TAP1: variants seen among roughly 807,000 people sequenced by gnomAD.
TAP1 encodes the protein transporter 1, ATP binding cassette subfamily B member, also known as antigen peptide transporter 1.
In TAP1, 56 loss-of-function variants were observed where a neutral mutation model predicts 79.3. The ratio of observed to expected loss-of-function variants is 0.71; its 90% CI spans 0.57 to 0.88. TAP1 has a LOEUF of 0.88. TAP1 is among the 40% of genes least tolerant of loss of function. The pLI, the probability that TAP1 is intolerant of heterozygous loss-of-function variation, is 0.00. For synonymous variants in TAP1, 355 were observed against 401.4 expected, an observed-to-expected ratio of 0.88 and a Z score of 1.38; for missense variants, 737 against 936.3, an observed-to-expected ratio of 0.79 and a Z score of 2.78.
At position 32,845,452 on chromosome 6, in the gene TAP1, G is replaced by C. The variant is rs1770300317; in HGVS notation, c.*127C>G. The C allele has an allele frequency of 1.1e-6, 1 of 900,828 alleles. No individual in the cohort carries two copies. The highest frequency in any genetic ancestry group is 2.0e-5 in the Admixed American group (1 of 50,318). The allele number at this position is 900,828 out of a possible 1,614,324, so 55.8% of individuals were successfully genotyped here. ...ATTATCACGAGGAGCTTGGAAAGGA[G>C]GTAACACACTCAAGGCAAATTTCAA... On this transcript the variant is annotated 3_prime_UTR_variant, in exon 11 of 11. Coordinates refer to ENST00000354258, the MANE Select transcript of TAP1 (RefSeq NM_000593.6). The surrounding 1 kb of genome is among the most constrained non-coding windows in gnomAD (Gnocchi z 4.5).
In TAP1 at chr6:32,852,605, G is replaced by A; in HGVS notation, c.599-103C>T. On this transcript the variant is annotated intron_variant, in intron 1 of 10. Transcript: ENST00000354258. This position sits in a 1 kb window ranked among gnomAD's most constrained non-coding sequence, Gnocchi z 4.8. ...CCTCCTCCCCCTCACCATTATCCTG[G>A]AGGGCATCAGCAGAAAGGAAACACT... 6.4e-7 allele frequency: 1 copy of A among 1,560,996 alleles called. No homozygotes were observed. The highest frequency in any genetic ancestry group is 8.7e-7 in the Non-Finnish European group (1 of 1,153,858).
At position 32,852,075 on chromosome 6, in the gene TAP1, A is replaced by T. The variant is rs1187991846; in HGVS notation, c.844+34T>A. On this transcript the variant is annotated intron_variant, in intron 3 of 10. Coordinates refer to ENST00000354258, the MANE Select transcript of TAP1 (RefSeq NM_000593.6). The surrounding 1 kb of genome is among the most constrained non-coding windows in gnomAD (Gnocchi z 4.8). Reference sequence around the variant, plus strand: ...GCAGATGTATGAGGATATGAACAGTACATGGCGTATAATGAAAGAGTTTCA... The same window carrying T: ...GCAGATGTATGAGGATATGAACAGTTCATGGCGTATAATGAAAGAGTTTCA... 8.1e-6 allele frequency: 13 copies of T among 1,612,828 alleles called. No individual in the cohort carries two copies. The highest frequency in any genetic ancestry group is 1.1e-5 in the Non-Finnish European group (13 of 1,179,966).
At position 32,848,713 on chromosome 6, in the gene TAP1, A is replaced by T; in HGVS notation, c.1505T>A (p.Leu502His). The stretch of plus-strand genomic sequence containing the variant: ...AAAGGAGACATCTTGGAACTGGACA[A>T]GGCCCTCCAAGTGTAAGGGAGTCAA... ...GLLTPLHLEG[L>H]VQFQDVSFAY... is the part of the protein sequence containing the mutation. The change falls in exon 7 of 11, where the codon CTT becomes CAT. Residue 502 changes from leucine (L) to histidine (H), a missense_variant. Transcript: ENST00000354258. 1 of 1,614,140 alleles carries T rather than the reference A, an allele frequency of 6.2e-7. No homozygotes were observed. The highest frequency in any genetic ancestry group is 8.5e-7 in the Non-Finnish European group (1 of 1,180,022).
chr6:32,846,229 G>A, intron 10 of TAP1: 1 of 216,806 alleles, frequency 4.6e-6, no homozygotes, highest in Admixed American at 5.2e-5. Context: ...CCTCCATTTT[G>A]TCATCTGTAG....
Position 32,851,210 on chromosome 6 carries a change from C to T in TAP1, c.845-61G>A. 1.3e-6 allele frequency: 2 copies of T among 1,542,454 alleles called. No individual in the cohort carries two copies. The highest frequency in any genetic ancestry group is 2.7e-5 in the African/African-American group (2 of 73,214). Reference sequence around the variant, plus strand: ...GACAGGTTCCAAGTGATGAGACGAACTAACAATGAGCCAGGATGCCAGGGT... The same window carrying T: ...GACAGGTTCCAAGTGATGAGACGAATTAACAATGAGCCAGGATGCCAGGGT... On this transcript the variant is annotated intron_variant, in intron 3 of 10. Transcript: ENST00000354258. This position sits in a 1 kb window ranked among gnomAD's most constrained non-coding sequence, Gnocchi z 4.8.
At chr6:32,846,957 A>T in intron 10 of TAP1, 111 bp downstream of exon 10, 1 of 1,542,468 alleles carries the variant, frequency 6.5e-7, no homozygotes, top group Non-Finnish European at 8.8e-7. Context: ...TTGGGAACTG[A>T]GAACTGCAAG....
rs191022549 is a variant in TAP1 at position 32,852,792 on chromosome 6, G to T, written c.598+247C>A. On this transcript the variant is annotated intron_variant, in intron 1 of 10. Transcript: ENST00000354258. This position sits in a 1 kb window ranked among gnomAD's most constrained non-coding sequence, Gnocchi z 4.8. ...CCCGCCCTTCGGCCCCAGAGCAAAG[G>T]ATTTCCCCGCTTCCGGCGTGGCCCA... 2.8e-6 allele frequency: 4 copies of T among 1,440,406 alleles called. No homozygotes were observed. The East Asian group carries it at 9.9e-5, about 36-fold the overall frequency. The allele number at this position is 1,440,406 out of a possible 1,614,324, so 89.2% of individuals were successfully genotyped here.
chr6:32,847,744 A>C lies in TAP1; in HGVS notation c.1741-69T>G. The stretch of plus-strand genomic sequence containing the variant: ...GAGTATGGTTATCTAGAGATCGAAG[A>C]CTCAAAATCTTTATTGAGAACATGT... On this transcript the variant is annotated intron_variant, in intron 8 of 10. Transcript: ENST00000354258. The surrounding 1 kb of genome is among the most constrained non-coding windows in gnomAD (Gnocchi z 4.7). 6.3e-7 allele frequency: 1 copy of C among 1,591,888 alleles called. No individual in the cohort carries two copies. Among genetic ancestry groups the C allele is most frequent in the Non-Finnish European group, 8.6e-7 (1 of 1,161,662 alleles).
At chr6:32,849,886 G>A (rs1267364738) in intron 5 of TAP1, 2 of 218,384 alleles carry the variant, frequency 9.2e-6, no homozygotes, top group Non-Finnish European at 1.9e-5. Context: ...CAGGATCTTC[G>A]GATCACTGGC....
In TAP1 at chr6:32,850,620, G is replaced by A. The variant is rs1770723146; in HGVS notation, c.1051-103C>T. Reference sequence around the variant, plus strand: ...AAATTAAAGGTGAGAAGAGACAGAGGAAAAGGAGAAAAGAGAAAGAGACAC... The same window carrying A: ...AAATTAAAGGTGAGAAGAGACAGAGAAAAAGGAGAAAAGAGAAAGAGACAC... On this transcript the variant is annotated intron_variant, in intron 4 of 10. Transcript: ENST00000354258. The surrounding 1 kb of genome is among the most constrained non-coding windows in gnomAD (Gnocchi z 5.5). 3 of 1,025,120 alleles carry A rather than the reference G, an allele frequency of 2.9e-6. No homozygotes were observed. The highest frequency in any genetic ancestry group is 4.4e-6 in the Non-Finnish European group (3 of 675,582). The allele number at this position is 1,025,120 out of a possible 1,614,324, so 63.5% of individuals were successfully genotyped here. A position where few individuals can be genotyped will look rare whatever the true frequency, so the allele number is the denominator to read the frequency against.
Position 32,851,176 on chromosome 6 carries a change from G to A in TAP1, c.845-27C>T. On this transcript the variant is annotated intron_variant, in intron 3 of 10. Transcript: ENST00000354258. The surrounding 1 kb of genome is among the most constrained non-coding windows in gnomAD (Gnocchi z 4.8). ...TGCAGGGTTGGGGAGAAGAGAGTGA[G>A]GTGAATCAGACAGGTTCCAAGTGAT... 6.2e-7 allele frequency: 1 copy of A among 1,608,526 alleles called. No individual in the cohort carries two copies. Among genetic ancestry groups the A allele is most frequent in the Non-Finnish European group, 8.5e-7 (1 of 1,176,592 alleles).
Position 32,851,939 on chromosome 6 carries a change from G to GAGAGAGAGAC in TAP1, c.844+169_844+170insGTCTCTCTCT, listed in dbSNP as rs1288664309. ...TGTGTGTGTGTGAGAGAGAGAGAGA[G>GAGAGAGAGAC]AGAGACAGAGACAGAGAGAGAGAGA... On this transcript the variant is annotated intron_variant, in intron 3 of 10. Transcript: ENST00000354258. The surrounding 1 kb of genome is among the most constrained non-coding windows in gnomAD (Gnocchi z 4.8). Among the ~76,000 whole-genome samples, 1 of 151,276 alleles carries GAGAGAGAGAC rather than the reference G, an allele frequency of 6.6e-6. No homozygotes were observed. Among genetic ancestry groups the GAGAGAGAGAC allele is most frequent in the Non-Finnish European group, 1.5e-5 (1 of 67,802 alleles).
At position 32,849,043 on chromosome 6, in the gene TAP1, C is replaced by CA; in HGVS notation, c.1323dup (p.Gly442TrpfsTer39). The stretch of plus-strand genomic sequence containing the variant: ...TAGAGAACAAATGTGACAAGGTTCC[C>CA]ACTGCTTACAGCCCCACTGGTCACC... On this transcript the variant is annotated frameshift_variant, in exon 6 of 11. Transcript: ENST00000354258. LOFTEE classifies it high-confidence loss of function. The CA allele has an allele frequency of 3.1e-6, 5 of 1,605,888 alleles. No individual in the cohort carries two copies. The highest frequency in any genetic ancestry group is 4.2e-6 in the Non-Finnish European group (5 of 1,177,062).
Position 32,850,807 on chromosome 6 carries a change from G to A in TAP1, c.1050+137C>T. 5 of 884,642 alleles carry A rather than the reference G, an allele frequency of 5.7e-6. No homozygotes were observed. The South Asian group carries it at 6.8e-5, about 12-fold the overall frequency. The allele number at this position is 884,642 out of a possible 1,614,324, so 54.8% of individuals were successfully genotyped here. On this transcript the variant is annotated intron_variant, in intron 4 of 10. Transcript: ENST00000354258. The surrounding 1 kb of genome is among the most constrained non-coding windows in gnomAD (Gnocchi z 5.5). ...AGCAACCTGGGAACATGGACCACAG[G>A]GACAGGGTGTTCCATGAAGATGGAG...
At position 32,847,030 on chromosome 6, in the gene TAP1, T is replaced by C. The variant is rs1354114495; in HGVS notation, c.2040+38A>G. 4 of 1,609,562 alleles carry C rather than the reference T, an allele frequency of 2.5e-6. No individual in the cohort carries two copies. The highest frequency in any genetic ancestry group is 8.5e-7 in the Non-Finnish European group (1 of 1,180,008). On this transcript the variant is annotated intron_variant, in intron 10 of 10. Transcript: ENST00000354258. This position sits in a 1 kb window ranked among gnomAD's most constrained non-coding sequence, Gnocchi z 4.7. ...AGAAGATGTATAAAAGAAGCAAGAT[T>C]GGGTGGGATATAGCCATTAAGAAGA...
chr6:32,847,877 T>C lies in TAP1; in HGVS notation c.1740+42A>G. 6.2e-7 allele frequency: 1 copy of C among 1,612,916 alleles called. No homozygotes were observed. Among genetic ancestry groups the C allele is most frequent in the Non-Finnish European group, 8.5e-7 (1 of 1,179,786 alleles). ...GTGCTCAGTAAGAATGCTCTTCGTA[T>C]TTGATGCTCCCTGCCCTCCTTCAAG... On this transcript the variant is annotated intron_variant, in intron 8 of 10. Coordinates refer to ENST00000354258, the MANE Select transcript of TAP1 (RefSeq NM_000593.6). This position sits in a 1 kb window ranked among gnomAD's most constrained non-coding sequence, Gnocchi z 4.7.
chr6:32,852,780 C>T lies in TAP1; in HGVS notation c.598+259G>A, dbSNP rs1770873316. The T allele has an allele frequency of 2.1e-6, 3 of 1,441,300 alleles. No homozygotes were observed. Among genetic ancestry groups the T allele is most frequent in the African/African-American group, 2.9e-5 (2 of 69,910 alleles). The allele number at this position is 1,441,300 out of a possible 1,614,324, so 89.3% of individuals were successfully genotyped here. ...AGATGAGGATGCCCCGCCCTTCGGC[C>T]CCAGAGCAAAGGATTTCCCCGCTTC... is the stretch of plus-strand genomic sequence containing the variant. On this transcript the variant is annotated intron_variant, in intron 1 of 10. Coordinates refer to ENST00000354258, the MANE Select transcript of TAP1 (RefSeq NM_000593.6). The surrounding 1 kb of genome is among the most constrained non-coding windows in gnomAD (Gnocchi z 4.8).
chr6:32,846,575 T>C (rs1770421064), intron 10 of TAP1: 2 of 270,246 alleles, frequency 7.4e-6, no homozygotes, highest in Non-Finnish European at 1.5e-5. Context: ...ACCCCAGCCC[T>C]TTGGGAGGCT....
Position 32,852,500 on chromosome 6 carries a change from C to T in TAP1, c.601G>A (p.Glu201Lys), listed in dbSNP as rs1054825866. The change falls in exon 2 of 11, where the codon GAG becomes AAG. Residue 201 changes from glutamate (E) to lysine (K), a missense_variant and splice_region_variant. Glu to Lys is a moderately conservative substitution (Grantham distance 56). This residue lies in a region of TAP1 where 406 missense variants were observed against 477.2 expected (regional missense o/e 0.85). Transcript: ENST00000354258. The surrounding 1 kb of genome is among the most constrained non-coding windows in gnomAD (Gnocchi z 4.8). ...LVLVVLSSLG[E>K]MAIPFFTGRL... is the part of the protein sequence containing the mutation. ...CCCGTAAAGAATGGAATGGCCATCT[C>T]CCCTGGAGAAAGAGAAGAGAGGTCA... is the stretch of plus-strand genomic sequence containing the variant. 4 of 1,613,014 alleles carry T rather than the reference C, an allele frequency of 2.5e-6. No individual in the cohort carries two copies. The highest frequency in any genetic ancestry group is 3.4e-6 in the Non-Finnish European group (4 of 1,180,012).
Sources: allele counts gnomAD v4.1 joint callset (sites outside exome capture counted in the v4.1 genomes callset), GRCh38; gene constraint gnomAD v4.1.1; regional missense constraint gnomAD v4.1.1; non-coding constraint Gnocchi (gnomAD v3.1); transcripts MANE v1.5; gene names NCBI Gene and HGNC (gene_info 2026-07-23, HGNC 2026-07-21).